Variants in ASAP1 observed in about 807,000 individuals in gnomAD.
The protein encoded by ASAP1 is arf-GAP with SH3 domain, ANK repeat and PH domain-containing protein 1.
A neutral mutation model predicts 145.2 loss-of-function variants in ASAP1; 43 were observed. The ratio of observed to expected loss-of-function variants is 0.30; its 90% CI spans 0.23 to 0.38. ASAP1 has a LOEUF of 0.38. Among genes scored for constraint, ASAP1 ranks in the 10% least tolerant of loss-of-function variants. ASAP1 has a pLI of 1.00. For synonymous variants in ASAP1, 546 were observed against 515.5 expected (o/e 1.06, Z -0.80); for missense variants, 1,018 against 1,355.3 (o/e 0.75, Z 3.91).
chr8:130,322,129 G>A (rs1824045607), intron 3 of ASAP1, among the ~76,000 whole-genome samples: 1 of 152,166 alleles, frequency 6.6e-6, no homozygotes, highest in South Asian at 2.1e-4. Context: ...GAGAAGACAA[G>A]AGAAGCAGCA....
intron 2 of ASAP1, among the ~76,000 whole-genome samples, chr8:130,379,970 G>A (rs1478561874): frequency 6.6e-6 from 1 of 152,170 alleles, no homozygotes; most frequent in Non-Finnish European, 1.5e-5. Flanking sequence ...AGACTGGCCA[G>A]GATCCCCCTG....
intron 3 of ASAP1, among the ~76,000 whole-genome samples, chr8:130,283,583 G>GAAAAAAAAAAAAAAAAAAAA (rs745389921): frequency 1.0e-5 from 1 of 98,792 alleles, no homozygotes; most frequent in Non-Finnish European, 1.9e-5. Context: ...CTCCATCACA[G>GAAAAAAAAAAAAAAAAAAAA]AAAGAAAAAA....
intron 2 of ASAP1, among the ~76,000 whole-genome samples, chr8:130,390,318 A>G (rs1470983977): frequency 6.6e-6 from 1 of 152,214 alleles, no homozygotes; most frequent in African/African-American, 2.4e-5. Context: ...GACACAGAAT[A>G]TTTCCATTTC....
Position 130,281,642 on chromosome 8 carries a change from T to C in ASAP1, c.187-44648A>G, listed in dbSNP as rs116079200. ...ACTTAATTTATTCTGTTTTGCAACA[T>C]ATCTATATGGTGATATGTGGGGAAC... On this transcript the variant is annotated intron_variant, in intron 3 of 29. Transcript: ENST00000518721. Among the ~76,000 whole-genome samples, 1,054 of 152,350 alleles carry C rather than the reference T, an allele frequency of 6.9e-3. 15 individuals are homozygous for C. The highest frequency in any genetic ancestry group is 0.024 in the African/African-American group (1,018 of 41,578).
At chr8:130,143,566 T>C (rs1046524501) in intron 13 of ASAP1, among the ~76,000 whole-genome samples, 3 of 152,230 alleles carry the variant, frequency 2.0e-5, no homozygotes, top group Admixed American at 1.3e-4. Flanking sequence ...TTTTTGATTT[T>C]TGAAAATGTT....
chr8:130,107,177 C>T (rs2097538216), intron 24 of ASAP1, among the ~76,000 whole-genome samples: 3 of 87,188 alleles, frequency 3.4e-5, no homozygotes, highest in South Asian at 4.8e-4. Context: ...TCTCTCTCTT[C>T]TTCTTCTTTT....
chr8:130,128,950 C>T (rs1386929006), intron 15 of ASAP1, among the ~76,000 whole-genome samples: 2 of 152,204 alleles, frequency 1.3e-5, no homozygotes, highest in Non-Finnish European at 2.9e-5. Context: ...ACCCAAATCT[C>T]ATCTTGAATT....
At chr8:130,124,169 ATTAT>A (rs2097571207) in intron 17 of ASAP1, 65 bp from the exon 18 acceptor site, 1 of 1,159,578 alleles carries the variant, frequency 8.6e-7, no homozygotes, top group African/African-American at 1.6e-5. Flanking sequence ...AAAGTCTCCT[ATTAT>A]TTGTTTTTGA....
At chr8:130,442,673 C>A (rs1165957375) in intron 1 of ASAP1, among the ~76,000 whole-genome samples, 3 of 152,078 alleles carry the variant, frequency 2.0e-5, no homozygotes, top group African/African-American at 4.8e-5. Context: ...GTCAAGTTAA[C>A]GATGATGGTC....
chr8:130,052,632 G>C lies in ASAP1; in HGVS notation c.*2099C>G, dbSNP rs2097395215. 6.6e-6 allele frequency: 1 copy of C among 150,940 alleles called. No homozygotes were observed. 9.4% of individuals were successfully genotyped at this position (150,940 alleles called of 1,614,324 possible). On this transcript the variant is annotated 3_prime_UTR_variant, in exon 30 of 30. Transcript: ENST00000518721. ...CCGAACAAAAAAACTAGAAAAAAAA[G>C]GTGTTAAAAATGCTGTGTAAGTTGC...
chr8:130,217,223 T>C (rs1816981773), intron 4 of ASAP1, among the ~76,000 whole-genome samples: 1 of 152,182 alleles, frequency 6.6e-6, no homozygotes, highest in Non-Finnish European at 1.5e-5. Flanking sequence ...AAGCATGAAT[T>C]TGTAGGGAGG....
At chr8:130,282,486 T>C (rs1259188794) in intron 3 of ASAP1, among the ~76,000 whole-genome samples, 1 of 152,244 alleles carries the variant, frequency 6.6e-6, no homozygotes, top group Non-Finnish European at 1.5e-5. Flanking sequence ...CCAATTGCAA[T>C]ACGACTGTTA....
At chr8:130,187,158 T>G (rs1814788298) in intron 7 of ASAP1, 78 bp downstream of exon 7, 9 of 1,289,732 alleles carry the variant, frequency 7.0e-6, no homozygotes, top group African/African-American at 4.5e-5. Flanking sequence ...TTTTTCCAGT[T>G]AAGTTTTTTT....
intron 11 of ASAP1, among the ~76,000 whole-genome samples, chr8:130,162,796 C>T (rs574684830): frequency 1.3e-4 from 19 of 146,592 alleles, no homozygotes; most frequent in African/African-American, 3.8e-4. Context: ...CCAGCCTGGG[C>T]GACAGAGGGA....
intron 16 of ASAP1, among the ~76,000 whole-genome samples, chr8:130,126,342 C>A (rs1445492420): frequency 6.6e-6 from 1 of 152,182 alleles, no homozygotes; most frequent in Admixed American, 6.5e-5. Flanking sequence ...AGACCCTATG[C>A]AACACCTCTA....
At chr8:130,091,253 G>A (rs1187405506) in intron 25 of ASAP1, among the ~76,000 whole-genome samples, 1 of 152,218 alleles carries the variant, frequency 6.6e-6, no homozygotes, top group African/African-American at 2.4e-5. Flanking sequence ...ACATTTTAGT[G>A]GGGCGGCTTA....
Position 130,112,887 on chromosome 8 carries a change from G to C in ASAP1, c.2173-565C>G, listed in dbSNP as rs538764024. 3.9e-5 allele frequency among the ~76,000 whole-genome samples: 6 copies of C among 152,298 alleles called. No homozygotes were observed. In the East Asian group the frequency reaches 9.6e-4, roughly 24 times the overall value. On this transcript the variant is annotated intron_variant, in intron 23 of 29. Coordinates refer to ENST00000518721, the MANE Select transcript of ASAP1 (RefSeq NM_018482.4). Reference sequence around the variant, plus strand: ...TGAGGTATCTCTGGTATTTGCGCTTGTGGTGATGGCATTAGGATCCACTCA... The same window carrying C: ...TGAGGTATCTCTGGTATTTGCGCTTCTGGTGATGGCATTAGGATCCACTCA...
chr8:130,319,564 G>A (rs773789370), intron 3 of ASAP1, among the ~76,000 whole-genome samples: 6 of 152,150 alleles, frequency 3.9e-5, no homozygotes, highest in Non-Finnish European at 5.9e-5. Context: ...TACCTTATCC[G>A]TGAAGATGGG....
intron 3 of ASAP1, among the ~76,000 whole-genome samples, chr8:130,277,361 G>C (rs1820977481): frequency 2.0e-5 from 3 of 152,190 alleles, no homozygotes; most frequent in South Asian, 4.1e-4. Flanking sequence ...AGCCATACTA[G>C]TTCTTCATAT....
Sources: allele counts gnomAD v4.1 joint callset (sites outside exome capture counted in the v4.1 genomes callset), GRCh38; gene constraint gnomAD v4.1.1; transcripts MANE v1.5; gene names NCBI Gene and HGNC (gene_info 2026-07-23, HGNC 2026-07-21).